The following MAGI2 variants were observed in gnomAD, a reference collection of about 807,000 sequenced individuals.
The protein encoded by MAGI2 is membrane associated guanylate kinase, WW and PDZ domain containing 2.
MAGI2 carries 35 observed loss-of-function variants against 133.3 expected under a neutral mutation model. The ratio of observed to expected loss-of-function variants is 0.26; its 90% confidence interval spans 0.20 to 0.35. MAGI2 has a LOEUF of 0.35. MAGI2 is among the 10% of genes least tolerant of loss of function. The pLI is 1.00. For missense variants in MAGI2, 1,636 were observed against 1,863.4 expected (o/e 0.88, Z 2.25); for synonymous variants, 729 against 710.6 (o/e 1.03, Z -0.41).
chr7:79,129,509 A>C (rs1820723525), intron 1 of MAGI2, among the ~76,000 whole-genome samples: 1 of 152,196 alleles, frequency 6.6e-6, no homozygotes, highest in Non-Finnish European at 1.5e-5. Flanking sequence ...TTTATTCTCC[A>C]TCTCTATTCA....
intron 2 of MAGI2, among the ~76,000 whole-genome samples, chr7:78,702,617 C>T (rs1262673183): frequency 6.6e-6 from 1 of 151,966 alleles, no homozygotes; most frequent in Non-Finnish European, 1.5e-5. Flanking sequence ...CTGCTATGGT[C>T]ATTAAAGCTG....
At chr7:78,205,925 G>A (rs1829685150) in intron 10 of MAGI2, among the ~76,000 whole-genome samples, 1 of 152,164 alleles carries the variant, frequency 6.6e-6, no homozygotes, top group Non-Finnish European at 1.5e-5. Context: ...ATCCTGGACT[G>A]AGGGCACCTC....
intron 1 of MAGI2, among the ~76,000 whole-genome samples, chr7:79,135,727 G>T (rs9886257): frequency 0.08 from 12,106 of 151,812 alleles, 1,057 homozygotes; most frequent in African/African-American, 0.21. Flanking sequence ...GATAGCTTGA[G>T]GTCGGGAGTC....
chr7:79,255,190 C>A (rs146542254), intron 1 of MAGI2, among the ~76,000 whole-genome samples: 11 of 152,246 alleles, frequency 7.2e-5, no homozygotes, highest in African/African-American at 2.4e-4. Flanking sequence ...GAGTGGGAGA[C>A]AAACCAAATC....
At position 78,648,467 on chromosome 7, in the gene MAGI2, T is replaced by C. The variant is rs78159481; in HGVS notation, c.419-21228A>G. Among the ~76,000 whole-genome samples, 157 of 152,348 alleles carry C rather than the reference T, an allele frequency of 1.0e-3. 3 individuals carry two copies. The East Asian group carries it at 0.026, about 25-fold the overall frequency. On this transcript the variant is annotated intron_variant, in intron 2 of 21. Transcript: ENST00000354212. Reference sequence around the variant, plus strand: ...CTGAAACCTGAAATATTGTTGATCCTTATGATTTTCTTTCACCATCTTATC... The same window carrying C: ...CTGAAACCTGAAATATTGTTGATCCCTATGATTTTCTTTCACCATCTTATC...
At chr7:78,564,781 T>TTC (rs1430920372) in intron 3 of MAGI2, among the ~76,000 whole-genome samples, 1 of 124,732 alleles carries the variant, frequency 8.0e-6, no homozygotes, top group Non-Finnish European at 1.7e-5. Context: ...CTCTTTGACA[T>TTC]TCTTTTTTTT....
At chr7:78,957,825 C>A (rs903971177) in intron 2 of MAGI2, among the ~76,000 whole-genome samples, 1 of 152,108 alleles carries the variant, frequency 6.6e-6, no homozygotes, top group African/African-American at 2.4e-5. Context: ...CATGTATATA[C>A]CTTGCTCTTT....
chr7:78,437,509 T>C (rs887604092), intron 6 of MAGI2, among the ~76,000 whole-genome samples: 1 of 152,194 alleles, frequency 6.6e-6, no homozygotes. Context: ...TCCACTCACA[T>C]GCAGGAAATG....
rs373282973 is a variant in MAGI2, at chr7:79,178,880, A to C, written c.302-171674T>G. On this transcript the variant is annotated intron_variant, in intron 1 of 21. Transcript: ENST00000354212. ...AAGTTTGCCATAAGTTCTGCTCAAC[A>C]CAAGATAAATCATTGTCTTTTTTAT... Among the ~76,000 whole-genome samples the C allele has an allele frequency of 7.9e-5, 12 of 152,132 alleles. No homozygotes were observed. The East Asian group carries it at 2.3e-3, about 29-fold the overall frequency.
chr7:78,985,765 C>A (rs1194215034), intron 2 of MAGI2, among the ~76,000 whole-genome samples: 2 of 152,030 alleles, frequency 1.3e-5, no homozygotes, highest in East Asian at 3.9e-4. Flanking sequence ...CATACTTTAT[C>A]CTTGTGACCC....
At chr7:78,273,124 A>C (rs1471353437) in intron 9 of MAGI2, among the ~76,000 whole-genome samples, 1 of 152,168 alleles carries the variant, frequency 6.6e-6, no homozygotes, top group Non-Finnish European at 1.5e-5. Context: ...GAGCTCTTGT[A>C]AGGCAGGCCT....
At chr7:78,957,494 G>GT (rs1228385061) in intron 2 of MAGI2, among the ~76,000 whole-genome samples, 2 of 151,594 alleles carry the variant, frequency 1.3e-5, no homozygotes, top group Non-Finnish European at 2.9e-5. Context: ...ATATGTAATC[G>GT]TAAGTACATA....
chr7:78,990,979 C>G (rs1055332600), intron 2 of MAGI2, among the ~76,000 whole-genome samples: 1 of 146,702 alleles, frequency 6.8e-6, no homozygotes, highest in African/African-American at 2.5e-5. Flanking sequence ...ACCCAAATCT[C>G]AACTGGAATT....
intron 1 of MAGI2, among the ~76,000 whole-genome samples, chr7:79,432,873 G>A (rs1847870064): frequency 6.6e-6 from 1 of 152,142 alleles, no homozygotes; most frequent in South Asian, 2.1e-4. Context: ...CATAACAAAG[G>A]ACACACATGG....
At chr7:78,056,850 G>A (rs1239110738) in intron 21 of MAGI2, among the ~76,000 whole-genome samples, 3 of 151,900 alleles carry the variant, frequency 2.0e-5, no homozygotes, top group Admixed American at 6.6e-5. Context: ...TCCACTGTAC[G>A]TAGGTGTACA....
intron 1 of MAGI2, among the ~76,000 whole-genome samples, chr7:79,192,702 CT>C (rs1827778567): frequency 6.6e-6 from 1 of 151,664 alleles, no homozygotes; most frequent in South Asian, 2.1e-4. Context: ...GGAAGAGTGA[CT>C]TATTATAAAA....
chr7:78,613,373 A>G (rs1356222587), intron 3 of MAGI2, among the ~76,000 whole-genome samples: 2 of 152,154 alleles, frequency 1.3e-5, no homozygotes, highest in Admixed American at 1.3e-4. Context: ...CATTATTCTC[A>G]CTGTTTTTCC....
intron 2 of MAGI2, among the ~76,000 whole-genome samples, chr7:78,875,612 C>T (rs1287476028): frequency 6.6e-6 from 1 of 151,996 alleles, no homozygotes; most frequent in African/African-American, 2.4e-5. Flanking sequence ...TAAAATAACC[C>T]CATGATTCTA....
chr7:78,359,078 G>A (rs1213937428), intron 7 of MAGI2: 3 of 152,168 alleles, frequency 2.0e-5, no homozygotes, highest in Admixed American at 1.3e-4. Flanking sequence ...TTTCTATAAG[G>A]TTATTTTAAA....
Sources: gnomAD v4.1 joint callset for allele counts (sites outside exome capture counted in the v4.1 genomes callset) on GRCh38, gnomAD v4.1.1 for gene constraint, MANE v1.5 for transcripts, NCBI Gene and HGNC (gene_info 2026-07-23, HGNC 2026-07-21) for gene names.